SPTLC2: variants seen among roughly 807,000 people sequenced by gnomAD.
The protein encoded by SPTLC2 is serine palmitoyltransferase 2.
In SPTLC2, 21 loss-of-function variants were observed where a neutral mutation model predicts 62.0. The observed-to-expected ratio is 0.34, with a 90% CI of 0.24 to 0.49. SPTLC2 has a LOEUF of 0.49. Among genes scored for constraint, SPTLC2 ranks in the 20% least tolerant of loss-of-function variants. The pLI is 0.99. For missense variants in SPTLC2, 511 were observed against 713.0 expected (o/e 0.72, Z 3.23); for synonymous variants, 261 against 261.8 (o/e 1.00, Z 0.03).
At chr14:77,547,897 T>G (rs1231046675) in intron 9 of SPTLC2, 1 of 141,126 alleles carries the variant, frequency 7.1e-6, no homozygotes, top group Admixed American at 7.0e-5. Context: ...TTTTTTTTTT[T>G]TTTTAAGTGT....
chr14:77,530,415 A>G (rs1180304511), intron 9 of SPTLC2, among the ~76,000 whole-genome samples: 1 of 152,020 alleles, frequency 6.6e-6, no homozygotes, highest in African/African-American at 2.4e-5. Flanking sequence ...TACAACCTCC[A>G]CCTCCTAGGT....
At chr14:77,588,995 TCAAAAA>T (rs2079799050) in intron 2 of SPTLC2, among the ~76,000 whole-genome samples, 1 of 27,384 alleles carries the variant, frequency 3.7e-5, no homozygotes, top group African/African-American at 1.7e-4. Context: ...AGACCTTGTC[TCAAAAA>T]AAAAAAAAAA....
In SPTLC2 at chr14:77,572,402, G is replaced by A. The variant is rs75462479; in HGVS notation, c.632-1894C>T. On this transcript the variant is annotated intron_variant, in intron 4 of 11. Transcript: ENST00000216484. Reference sequence around the variant, plus strand: ...AAAATATACAGAAGGATGATGCTACGGGTTCCATTGTGTCCCACCAAAAAA... The same window carrying A: ...AAAATATACAGAAGGATGATGCTACAGGTTCCATTGTGTCCCACCAAAAAA... Among the ~76,000 whole-genome samples the A allele has an allele frequency of 9.6e-4, 146 of 152,200 alleles. 5 individuals carry two copies. The East Asian group carries it at 0.023, about 24-fold the overall frequency.
intron 2 of SPTLC2, among the ~76,000 whole-genome samples, chr14:77,587,992 T>C (rs1313487597): frequency 1.3e-5 from 2 of 152,122 alleles, no homozygotes; most frequent in Admixed American, 1.3e-4. Context: ...TGGAGAGAAG[T>C]GGCATGATCA....
chr14:77,557,922 C>T (rs1467817915), intron 6 of SPTLC2, among the ~76,000 whole-genome samples: 1 of 152,092 alleles, frequency 6.6e-6, no homozygotes, highest in Non-Finnish European at 1.5e-5. Flanking sequence ...ACCATTGTTG[C>T]CACACTACAG....
chr14:77,556,977 G>A (rs999755291), intron 7 of SPTLC2, 64 bp downstream of exon 7: 2 of 1,370,176 alleles, frequency 1.5e-6, no homozygotes, highest in Admixed American at 1.7e-5. Flanking sequence ...GTTCCCTTCA[G>A]TTAAAAAATT....
intron 2 of SPTLC2, among the ~76,000 whole-genome samples, chr14:77,586,329 G>C (rs1054357533): frequency 1.3e-5 from 2 of 152,000 alleles, no homozygotes; most frequent in African/African-American, 2.4e-5. Flanking sequence ...ACCCACCTTG[G>C]CCTCCCAAAG....
Position 77,512,283 on chromosome 14 carries a change from C to A in SPTLC2, c.*1G>T, listed in dbSNP as rs1882184619. The A allele has an allele frequency of 6.2e-7, 1 of 1,613,832 alleles. No individual in the cohort carries two copies. Among genetic ancestry groups the A allele is most frequent in the African/African-American group, 1.3e-5 (1 of 74,912 alleles). On this transcript the variant is annotated 3_prime_UTR_variant, in exon 12 of 12. Transcript: ENST00000216484. ...TTCCTCTGAGGGAGCACCAAAAAGG[C>A]TCAGTCTTCTGTTTCTTCATACGTC...
chr14:77,542,902 A>G (rs2079508949), intron 9 of SPTLC2, among the ~76,000 whole-genome samples: 1 of 152,212 alleles, frequency 6.6e-6, no homozygotes, highest in Non-Finnish European at 1.5e-5. Context: ...TGCTGATTCA[A>G]TATAATCAGA....
intron 4 of SPTLC2, among the ~76,000 whole-genome samples, chr14:77,571,437 A>G (rs900621058): frequency 6.7e-6 from 1 of 148,576 alleles, no homozygotes; most frequent in Non-Finnish European, 1.5e-5. Context: ...TGAACCTGGG[A>G]GGCAGAGGTT....
At chr14:77,560,180 T>C (rs935492716) in intron 6 of SPTLC2, among the ~76,000 whole-genome samples, 2 of 152,218 alleles carry the variant, frequency 1.3e-5, no homozygotes, top group Non-Finnish European at 2.9e-5. Flanking sequence ...GTCAATCTCA[T>C]GTTGTTGAGG....
chr14:77,558,535 AG>A (rs1309519441), intron 6 of SPTLC2, among the ~76,000 whole-genome samples: 3 of 152,312 alleles, frequency 2.0e-5, no homozygotes, highest in African/African-American at 7.2e-5. Flanking sequence ...GTAATTTCTA[AG>A]AAAAAAATCT....
intron 8 of SPTLC2, among the ~76,000 whole-genome samples, chr14:77,553,750 A>AAAAAAAC (rs2079567895): frequency 1.3e-5 from 2 of 150,354 alleles, no homozygotes; most frequent in African/African-American, 2.4e-5. Flanking sequence ...AAAAAAAAAA[A>AAAAAAAC]TCTATCAAAG....
intron 9 of SPTLC2, among the ~76,000 whole-genome samples, chr14:77,533,995 C>CA (rs1280410813): frequency 1.3e-5 from 2 of 151,978 alleles, no homozygotes; most frequent in South Asian, 4.2e-4. Flanking sequence ...CCCGTCTTTA[C>CA]AAAAAATACA....
At chr14:77,523,310 T>G (rs2079393665) in intron 9 of SPTLC2, among the ~76,000 whole-genome samples, 1 of 152,244 alleles carries the variant, frequency 6.6e-6, no homozygotes, top group Non-Finnish European at 1.5e-5. Flanking sequence ...CCACGGGGAA[T>G]GCCAGACTGT....
At chr14:77,596,164 C>T (rs748196971) in intron 2 of SPTLC2, among the ~76,000 whole-genome samples, 15 of 152,032 alleles carry the variant, frequency 9.9e-5, no homozygotes, top group African/African-American at 2.7e-4. Flanking sequence ...AGTAAAACCC[C>T]GTCTCTACTA....
chr14:77,579,115 A>G lies in SPTLC2; in HGVS notation c.328-6T>C. The stretch of plus-strand genomic sequence containing the variant: ...TGATACAATGACACAAAGTCCTGCC[A>G]AGAAATGGTGACATACCATAAATTT... On this transcript the variant is annotated splice_region_variant and splice_polypyrimidine_tract_variant and intron_variant, in intron 2 of 11. Transcript: ENST00000216484. The G allele has an allele frequency of 1.2e-6, 2 of 1,614,022 alleles. No individual in the cohort carries two copies. Among genetic ancestry groups the G allele is most frequent in the Non-Finnish European group, 1.7e-6 (2 of 1,179,940 alleles).
intron 9 of SPTLC2, among the ~76,000 whole-genome samples, chr14:77,538,613 C>A (rs576916200): frequency 6.6e-6 from 1 of 152,112 alleles, no homozygotes; most frequent in African/African-American, 2.4e-5. Flanking sequence ...CTCTGTTGCC[C>A]AGGCTGGAGT....
intron 9 of SPTLC2, among the ~76,000 whole-genome samples, chr14:77,533,358 C>T (rs2140002842): frequency 7.1e-6 from 1 of 140,822 alleles, no homozygotes; most frequent in East Asian, 2.1e-4. Flanking sequence ...CAATGTATAA[C>T]AAAGTCCTCC....
Sources: allele counts gnomAD v4.1 joint callset (sites outside exome capture counted in the v4.1 genomes callset), GRCh38; gene constraint gnomAD v4.1.1; transcripts MANE v1.5; gene names NCBI Gene and HGNC (gene_info 2026-07-23, HGNC 2026-07-21).